Variants in CPXM2 observed in about 807,000 individuals in gnomAD.
CPXM2 encodes the protein carboxypeptidase X, M14 family member 2, also known as inactive carboxypeptidase-like protein X2.
Under a neutral mutation model 86.1 loss-of-function variants are expected in CPXM2, and 66 were observed. The observed-to-expected ratio is 0.77, with a 90% CI of 0.63 to 0.94. The LOEUF is 0.94. Ranked by LOEUF, CPXM2 falls within the 40% of genes least tolerant of loss-of-function variation. The pLI is 0.00. For missense variants in CPXM2, 948 were observed against 1,026.3 expected, an observed-to-expected ratio of 0.92 and a Z score of 1.04; for synonymous variants, 388 against 400.2, an observed-to-expected ratio of 0.97 and a Z score of 0.36.
intron 2 of CPXM2, among the ~76,000 whole-genome samples, chr10:123,936,089 C>T (rs1945716984): frequency 6.6e-6 from 1 of 151,034 alleles, no homozygotes; most frequent in African/African-American, 2.4e-5. Context: ...CCATCACCAC[C>T]ACCATCACCA....
intron 3 of CPXM2, among the ~76,000 whole-genome samples, chr10:123,856,900 G>A (rs1172180269): frequency 1.3e-5 from 2 of 152,248 alleles, no homozygotes; most frequent in Non-Finnish European, 1.5e-5. Flanking sequence ...CCCTAAGCAT[G>A]ATTTTAGAGG....
chr10:123,845,259 A>G (rs2134160991), intron 3 of CPXM2, among the ~76,000 whole-genome samples: 1 of 152,136 alleles, frequency 6.6e-6, no homozygotes, highest in South Asian at 2.1e-4. Context: ...CTAAAGAGTG[A>G]CATGTTCCAG....
intron 4 of CPXM2, among the ~76,000 whole-genome samples, chr10:123,831,155 C>T (rs1392747965): frequency 1.3e-5 from 2 of 152,172 alleles, no homozygotes; most frequent in East Asian, 1.9e-4. Flanking sequence ...TGGCGAAATG[C>T]CACTTTGGGG....
At chr10:123,931,391 C>A (rs1945665095) in intron 2 of CPXM2, 1 of 152,222 alleles carries the variant, frequency 6.6e-6, no homozygotes, top group Non-Finnish European at 1.5e-5. Context: ...GTTTGGAACT[C>A]TTCTGGACTC....
At chr10:123,778,865 C>T (rs1370742812) in intron 7 of CPXM2, among the ~76,000 whole-genome samples, 3 of 152,170 alleles carry the variant, frequency 2.0e-5, no homozygotes, top group African/African-American at 7.2e-5. Context: ...AGTCCAAACA[C>T]ATTCTCTTGA....
rs144445484 is a variant in CPXM2, at chr10:123,760,714, G to A, written c.1777+1158C>T. Among the ~76,000 whole-genome samples, 96 of 152,296 alleles carry A rather than the reference G, an allele frequency of 6.3e-4. No homozygotes were observed. In the East Asian group the frequency reaches 0.013, roughly 20 times the overall value. Reference sequence around the variant, plus strand: ...TCACGACTGTTTCTGTGAGCCACACGTCAAGCACATCCACATCTTCCACCT... The same window carrying A: ...TCACGACTGTTTCTGTGAGCCACACATCAAGCACATCCACATCTTCCACCT... On this transcript the variant is annotated intron_variant, in intron 11 of 13. Coordinates refer to ENST00000241305, the MANE Select transcript of CPXM2 (RefSeq NM_198148.3).
intron 6 of CPXM2, among the ~76,000 whole-genome samples, chr10:123,784,038 C>A (rs1846995455): frequency 1.3e-5 from 2 of 152,136 alleles, no homozygotes; most frequent in South Asian, 4.1e-4. Flanking sequence ...GCTCTCCCAC[C>A]AAAGAAAAGC....
intron 12 of CPXM2, among the ~76,000 whole-genome samples, chr10:123,756,275 T>G (rs991078754): frequency 3.3e-5 from 5 of 152,222 alleles, no homozygotes; most frequent in African/African-American, 1.2e-4. Flanking sequence ...GCTTGACACT[T>G]GTTTCTGTTT....
At chr10:123,856,742 CCA>C (rs1398489267) in intron 3 of CPXM2, among the ~76,000 whole-genome samples, 1 of 152,166 alleles carries the variant, frequency 6.6e-6, no homozygotes, top group Non-Finnish European at 1.5e-5. Context: ...CAGGCGTGTG[CCA>C]CCACGCCCGG....
intron 4 of CPXM2, among the ~76,000 whole-genome samples, chr10:123,813,603 C>G (rs1179528837): frequency 6.6e-6 from 1 of 152,176 alleles, no homozygotes; most frequent in Non-Finnish European, 1.5e-5. Context: ...TGCATATAAT[C>G]TCCCTTTCTC....
At chr10:123,828,652 T>C (rs1848096585) in intron 4 of CPXM2, among the ~76,000 whole-genome samples, 1 of 152,208 alleles carries the variant, frequency 6.6e-6, no homozygotes, top group East Asian at 1.9e-4. Context: ...TATGTCTTTA[T>C]CAGCAGCATG....
chr10:123,842,763 T>A (rs1259487756), intron 3 of CPXM2, among the ~76,000 whole-genome samples: 2 of 152,220 alleles, frequency 1.3e-5, no homozygotes, highest in African/African-American at 4.8e-5. Context: ...TACTCATTCA[T>A]CTAGCACACA....
At chr10:123,770,072 G>A (rs531283927) in intron 8 of CPXM2, among the ~76,000 whole-genome samples, 3 of 152,118 alleles carry the variant, frequency 2.0e-5, no homozygotes, top group Non-Finnish European at 4.4e-5. Flanking sequence ...TCGGGAGTTC[G>A]AGACCAGCCT....
In CPXM2 at chr10:123,766,905, C is replaced by T; in HGVS notation, c.1479+68G>A. 14 of 1,277,762 alleles carry T rather than the reference C, an allele frequency of 1.1e-5. No individual in the cohort carries two copies. The South Asian group carries it at 1.7e-4, about 15-fold the overall frequency. 79.2% of individuals were successfully genotyped at this position (1,277,762 alleles called of 1,614,324 possible). ...GTCTCTTTCTTAAATGTGCTATCCT[C>T]TGCAAATACCAATGGAGGTTAAGCC... On this transcript the variant is annotated intron_variant, in intron 10 of 13. Transcript: ENST00000241305.
chr10:123,829,409 T>C (rs1032790118), intron 4 of CPXM2, among the ~76,000 whole-genome samples: 13 of 151,806 alleles, frequency 8.6e-5, no homozygotes, highest in East Asian at 5.8e-4. Flanking sequence ...TCTCCCTCTA[T>C]TGCCTCGGCC....
chr10:123,910,959 G>T (rs1199202294), intron 2 of CPXM2, among the ~76,000 whole-genome samples: 1 of 151,676 alleles, frequency 6.6e-6, no homozygotes, highest in Admixed American at 6.6e-5. Flanking sequence ...GCTATGTCTG[G>T]ATCTCTGTGT....
intron 4 of CPXM2, among the ~76,000 whole-genome samples, chr10:123,829,065 G>A (rs1014918986): frequency 1.3e-5 from 2 of 152,138 alleles, no homozygotes; most frequent in Non-Finnish European, 2.9e-5. Context: ...CAAAAGACAG[G>A]AAGAAACATT....
upstream of CPXM2, among the ~76,000 whole-genome samples, chr10:123,941,732 C>T (rs1037002224): frequency 1.3e-5 from 2 of 152,230 alleles, no homozygotes; most frequent in Non-Finnish European, 2.9e-5. Flanking sequence ...AGGACTTTCC[C>T]CCTCCTCTGC....
chr10:123,770,053 C>T (rs1217829496), intron 8 of CPXM2, among the ~76,000 whole-genome samples: 1 of 152,184 alleles, frequency 6.6e-6, no homozygotes, highest in Non-Finnish European at 1.5e-5. Flanking sequence ...GCAGGTGGAT[C>T]ACCTGAGGTC....
Sources: allele counts gnomAD v4.1 joint callset (sites outside exome capture counted in the v4.1 genomes callset), GRCh38; gene constraint gnomAD v4.1.1; transcripts MANE v1.5; gene names NCBI Gene and HGNC (gene_info 2026-07-23, HGNC 2026-07-21).